The following TEX11 variants were observed in gnomAD, a reference collection of about 807,000 sequenced individuals.
TEX11 encodes the protein testis-expressed protein 11.
In TEX11, 7 loss-of-function variants were observed where a neutral mutation model predicts 84.4. That is an observed-to-expected ratio of 0.08 (90% CI 0.05 to 0.16). TEX11 has a LOEUF of 0.16. TEX11 is among the 10% of genes least tolerant of loss of function. The pLI is 1.00. For synonymous variants in TEX11, 264 were observed against 222.8 expected (o/e 1.18, Z -1.64); for missense variants, 551 against 660.5 (o/e 0.83, Z 1.82).
At chrX:70,782,809 A>G (rs999266204) in intron 9 of TEX11, among the ~76,000 whole-genome samples, 1 of 110,806 alleles carries the variant, frequency 9.0e-6, no homozygotes, top group Non-Finnish European at 1.9e-5. Context: ...CACCCAATAC[A>G]GGAGCATCCA....
chrX:70,540,994 C>T (rs925554574), intron 28 of TEX11, among the ~76,000 whole-genome samples: 1 of 111,419 alleles, frequency 9.0e-6, no homozygotes, highest in African/African-American at 3.3e-5. Flanking sequence ...GAGGGAGGAT[C>T]GCTTAGTCCA....
At chrX:70,594,499 C>T (rs1346053606) in intron 24 of TEX11, among the ~76,000 whole-genome samples, 1 of 110,794 alleles carries the variant, frequency 9.0e-6, no homozygotes, top group African/African-American at 3.3e-5. Context: ...AATATATATA[C>T]ACATATATGT....
chrX:70,819,303 T>C (rs1355789238), intron 8 of TEX11, among the ~76,000 whole-genome samples: 1 of 112,116 alleles, frequency 8.9e-6, no homozygotes, highest in Admixed American at 9.5e-5. Context: ...ATCAATGTGA[T>C]ATATACTATA....
At chrX:70,788,064 C>G (rs1181058422) in intron 9 of TEX11, among the ~76,000 whole-genome samples, 1 of 110,702 alleles carries the variant, frequency 9.0e-6, no homozygotes, top group East Asian at 2.9e-4. Flanking sequence ...TGAAAGAATT[C>G]ATATTGTTAC....
intron 9 of TEX11, among the ~76,000 whole-genome samples, chrX:70,746,563 G>C (rs1369713103): frequency 1.8e-5 from 2 of 112,096 alleles, no homozygotes; most frequent in Admixed American, 9.5e-5. Flanking sequence ...CTCTAGTCGT[G>C]TGGCACAGAG....
intron 24 of TEX11, among the ~76,000 whole-genome samples, chrX:70,605,054 T>A (rs2089179902): frequency 8.9e-6 from 1 of 111,815 alleles, no homozygotes; most frequent in Non-Finnish European, 1.9e-5. Context: ...AACAGATGAG[T>A]TCTTCCTTAG....
intron 8 of TEX11, among the ~76,000 whole-genome samples, chrX:70,820,198 G>A (rs187417522): frequency 9.0e-6 from 1 of 111,715 alleles, no homozygotes; most frequent in African/African-American, 3.2e-5. Flanking sequence ...AAAACAGTAT[G>A]GTACTAGAAT....
intron 7 of TEX11, among the ~76,000 whole-genome samples, chrX:70,837,673 A>G (rs1046206892): frequency 1.8e-5 from 2 of 112,176 alleles, no homozygotes; most frequent in Non-Finnish European, 3.8e-5. Context: ...AAATGGTTAC[A>G]TAGTGTAATA....
intron 3 of TEX11, among the ~76,000 whole-genome samples, chrX:70,875,584 CA>C (rs34342977): frequency 0.012 from 693 of 60,035 alleles, 4 homozygotes; most frequent in Middle Eastern, 0.019. Flanking sequence ...ACTAAAAATA[CA>C]AAAAAAAAAA....
At chrX:70,516,590 T>A in the TEX11 span, among the ~76,000 whole-genome samples, 2 of 111,874 alleles carry the variant, frequency 1.8e-5, no homozygotes, top group African/African-American at 6.5e-5. Context: ...CTTAGGATTG[T>A]CTTAGCAATG....
At chrX:70,869,761 A>G (rs1434389147) in intron 4 of TEX11, among the ~76,000 whole-genome samples, 1 of 109,835 alleles carries the variant, frequency 9.1e-6, no homozygotes, top group Non-Finnish European at 1.9e-5. Context: ...TGGGTGACAG[A>G]GCCAGATCCT....
chrX:70,868,882 G>T (rs960052690), intron 4 of TEX11, among the ~76,000 whole-genome samples: 1 of 108,558 alleles, frequency 9.2e-6, no homozygotes, highest in Admixed American at 1.0e-4. Context: ...GTCAGCGGGT[G>T]GGGGCAAAGG....
At chrX:70,816,510 A>G (rs1399738120) in intron 8 of TEX11, among the ~76,000 whole-genome samples, 5 of 110,336 alleles carry the variant, frequency 4.5e-5, no homozygotes, top group African/African-American at 1.6e-4. Flanking sequence ...CAGGAGTTTG[A>G]GACCAGCCTG....
intron 16 of TEX11, among the ~76,000 whole-genome samples, chrX:70,666,759 C>T (rs2089979180): frequency 8.9e-6 from 1 of 112,049 alleles, no homozygotes; most frequent in Admixed American, 9.5e-5. Context: ...CCCTCAGCTC[C>T]AGCCACAAAG....
At chrX:70,785,840 G>T (rs2091075026) in intron 9 of TEX11, among the ~76,000 whole-genome samples, 1 of 111,966 alleles carries the variant, frequency 8.9e-6, no homozygotes, top group Non-Finnish European at 1.9e-5. Context: ...TAAGGTTGTG[G>T]AAAAATAGGA....
At chrX:70,674,858 T>C (rs182782025) in intron 15 of TEX11, among the ~76,000 whole-genome samples, 5 of 111,453 alleles carry the variant, frequency 4.5e-5, no homozygotes, top group African/African-American at 1.6e-4. Flanking sequence ...TGTCTTCTAT[T>C]TGTGCCATCT....
At position 70,707,165 on chromosome X, in the gene TEX11, G is replaced by C. The variant is rs144009196; in HGVS notation, c.1004+15453C>G. Among the ~76,000 whole-genome samples, 1,025 of 109,931 alleles carry C rather than the reference G, an allele frequency of 9.3e-3. 7 individuals carry two copies. Among genetic ancestry groups the C allele is most frequent in the African/African-American group, 0.032 (970 of 30,275 alleles). On this transcript the variant is annotated intron_variant, in intron 13 of 29. Transcript: ENST00000374333. ...TCTAAATCCTACCCTACCATCAAAG[G>C]CCAGCTCAAACCTCACCTTCAAATA...
At chrX:70,855,316 G>A (rs765920333) in intron 5 of TEX11, among the ~76,000 whole-genome samples, 32 of 110,629 alleles carry the variant, frequency 2.9e-4, no homozygotes, top group African/African-American at 1.0e-3. Context: ...TGTAACCCTA[G>A]CACTTTGGGA....
intron 9 of TEX11, among the ~76,000 whole-genome samples, chrX:70,802,104 A>G: frequency 8.9e-6 from 1 of 111,799 alleles, no homozygotes; most frequent in Non-Finnish European, 1.9e-5. Context: ...ACTAATTTGT[A>G]GGAAATACAG....
Sources: allele counts gnomAD v4.1 joint callset (sites outside exome capture counted in the v4.1 genomes callset), GRCh38; gene constraint gnomAD v4.1.1; transcripts MANE v1.5; gene names NCBI Gene and HGNC (gene_info 2026-07-23, HGNC 2026-07-21).